The following SULF1 variants were observed in gnomAD, a reference collection of about 807,000 sequenced individuals.
SULF1 encodes extracellular sulfatase Sulf-1.
A neutral mutation model predicts 110.5 loss-of-function variants in SULF1; 46 were observed. The ratio of observed to expected loss-of-function variants is 0.42; its 90% CI spans 0.33 to 0.53. SULF1 has a LOEUF of 0.53. SULF1 is among the 20% of genes least tolerant of loss of function. The pLI is 0.12. For synonymous variants in SULF1, 371 were observed against 387.1 expected, an observed-to-expected ratio of 0.96 and a Z score of 0.49; for missense variants, 941 against 1,094.2, an observed-to-expected ratio of 0.86 and a Z score of 1.98.
chr8:69,658,742 A>G lies in SULF1; in HGVS notation c.*207A>G, dbSNP rs770308504. On this transcript the variant is annotated 3_prime_UTR_variant, in exon 23 of 23. Transcript: ENST00000402687. ...AATAAGACTCAAACTGCTCAAAGTG[A>G]CGGGTTCTTGGTTGTCTCTGCTGAG... 34 of 670,864 alleles carry G rather than the reference A, an allele frequency of 5.1e-5. No homozygotes were observed. The highest frequency in any genetic ancestry group is 9.1e-5 in the Non-Finnish European group (33 of 364,406). The allele number at this position is 670,864 out of a possible 1,614,324, so 41.6% of individuals were successfully genotyped here. A position where few individuals can be genotyped will look rare whatever the true frequency, so the allele number is the denominator to read the frequency against.
intron 19 of SULF1, among the ~76,000 whole-genome samples, chr8:69,636,653 G>C (rs950787533): frequency 6.6e-6 from 1 of 152,240 alleles, no homozygotes; most frequent in Admixed American, 6.5e-5. Context: ...GCTTGAAGAA[G>C]TGGTAGTCGA....
chr8:69,481,904 GA>G (rs1219712021), intron 1 of SULF1, among the ~76,000 whole-genome samples: 13 of 152,038 alleles, frequency 8.6e-5, no homozygotes, highest in Non-Finnish European at 1.8e-4. Context: ...TGTTTATAAT[GA>G]AAATAAAGTA....
intron 19 of SULF1, among the ~76,000 whole-genome samples, chr8:69,632,034 T>C (rs535831033): frequency 1.3e-5 from 2 of 152,360 alleles, no homozygotes; most frequent in South Asian, 4.1e-4. Flanking sequence ...AAGGAATTGC[T>C]TAGTCAATTT....
chr8:69,645,003 G>C (rs1563626979), intron 22 of SULF1, among the ~76,000 whole-genome samples: 2 of 152,068 alleles, frequency 1.3e-5, no homozygotes, highest in African/African-American at 4.8e-5. Flanking sequence ...GCAGGGGCAG[G>C]GTTTGGGGTT....
At chr8:69,558,864 CA>C (rs967500986) in intron 3 of SULF1, among the ~76,000 whole-genome samples, 3 of 151,852 alleles carry the variant, frequency 2.0e-5, no homozygotes, top group African/African-American at 7.3e-5. Context: ...AGAAAATTTT[CA>C]AATATTTGAT....
chr8:69,594,055 A>ATT (rs372606566), intron 8 of SULF1, among the ~76,000 whole-genome samples: 3 of 145,472 alleles, frequency 2.1e-5, no homozygotes, highest in African/African-American at 2.5e-5. Flanking sequence ...TGTTATTCCA[A>ATT]TTTTTTTTTT....
chr8:69,567,719 T>G (rs954673004), intron 5 of SULF1, among the ~76,000 whole-genome samples: 2 of 152,218 alleles, frequency 1.3e-5, no homozygotes, highest in Non-Finnish European at 2.9e-5. Flanking sequence ...TACCACATTT[T>G]TTTAACCCAT....
chr8:69,617,765 G>C (rs1191452530), intron 13 of SULF1, among the ~76,000 whole-genome samples: 1 of 152,064 alleles, frequency 6.6e-6, no homozygotes, highest in East Asian at 1.9e-4. Context: ...TAACTGTGGA[G>C]ACAGCACAAG....
chr8:69,601,094 C>G (rs534915758), intron 9 of SULF1, among the ~76,000 whole-genome samples: 2 of 152,338 alleles, frequency 1.3e-5, no homozygotes, highest in South Asian at 4.1e-4. Flanking sequence ...TCTAAAGGAA[C>G]AGCAATTACT....
chr8:69,536,743 C>T (rs551098503), intron 3 of SULF1, among the ~76,000 whole-genome samples: 2 of 152,286 alleles, frequency 1.3e-5, no homozygotes, highest in African/African-American at 4.8e-5. Flanking sequence ...TCACTTAGAG[C>T]AATGTGGTAG....
Position 69,624,179 on chromosome 8 carries a change from C to T in SULF1, c.1832C>T (p.Thr611Ile), listed in dbSNP as rs755298481. ...AGCAACGCCGTGGGCCCACCTACCA[C>T]TGTCCGAGTGACACACAAGTAAGAA... ...DSSNAVGPPT[T>I]VRVTHKCFIL... is the part of the protein sequence containing the mutation. The change falls in exon 15 of 23, where the codon ACT becomes ATT. Residue 611 changes from threonine (T) to isoleucine (I), a missense_variant. This residue lies in a region of SULF1 where 822 missense variants were observed against 934.3 expected (regional missense o/e 0.88). Coordinates refer to ENST00000402687, the MANE Select transcript of SULF1 (RefSeq NM_001128205.2). 22 of 1,593,440 alleles carry T rather than the reference C, an allele frequency of 1.4e-5. No individual in the cohort carries two copies. Among genetic ancestry groups the T allele is most frequent in the Non-Finnish European group, 1.8e-5 (21 of 1,168,508 alleles).
At chr8:69,558,385 T>C (rs911529782) in intron 3 of SULF1, among the ~76,000 whole-genome samples, 6 of 152,216 alleles carry the variant, frequency 3.9e-5, no homozygotes, top group African/African-American at 1.4e-4. Flanking sequence ...GTCCCTTTTT[T>C]CTCTGGCCTA....
intron 6 of SULF1, among the ~76,000 whole-genome samples, chr8:69,582,728 C>G (rs546167910): frequency 1.3e-5 from 2 of 151,328 alleles, no homozygotes; most frequent in Non-Finnish European, 2.9e-5. Context: ...GGGATAAACC[C>G]GTAGGGATGA....
intron 19 of SULF1, among the ~76,000 whole-genome samples, chr8:69,635,212 C>A (rs988132110): frequency 6.6e-6 from 1 of 152,176 alleles, no homozygotes; most frequent in African/African-American, 2.4e-5. Context: ...CTATGTGATA[C>A]AACAATGGCA....
Position 69,646,384 on chromosome 8 carries a change from C to A in SULF1, c.2585+5543C>A, listed in dbSNP as rs1811911008. On this transcript the variant is annotated intron_variant, in intron 22 of 22. Coordinates refer to ENST00000402687, the MANE Select transcript of SULF1 (RefSeq NM_001128205.2). ...TGCTTTCGTATATTAATGTATGTAA[C>A]CCTCTCGATAACTTCGTGAGGTCAG... Among the ~76,000 whole-genome samples the A allele has an allele frequency of 2.0e-5, 3 of 151,784 alleles. No homozygotes were observed. The South Asian group carries it at 6.2e-4, about 32-fold the overall frequency.
chr8:69,587,574 T>C (rs1806564089), intron 7 of SULF1, among the ~76,000 whole-genome samples: 1 of 152,168 alleles, frequency 6.6e-6, no homozygotes, highest in Non-Finnish European at 1.5e-5. Context: ...TTGAGCAATG[T>C]CCTCATTTGC....
intron 2 of SULF1, among the ~76,000 whole-genome samples, chr8:69,501,024 C>G (rs1279427245): frequency 6.6e-6 from 1 of 152,158 alleles, no homozygotes; most frequent in African/African-American, 2.4e-5. Context: ...GGGAAAAAAT[C>G]TGCACCCATT....
chr8:69,513,272 T>C (rs1003670377), intron 3 of SULF1, among the ~76,000 whole-genome samples: 6 of 152,244 alleles, frequency 3.9e-5, no homozygotes, highest in African/African-American at 1.4e-4. Context: ...TACATAATTT[T>C]TCTTCTATTT....
intron 22 of SULF1, among the ~76,000 whole-genome samples, chr8:69,657,861 G>A (rs1019072464): frequency 2.6e-5 from 4 of 152,276 alleles, no homozygotes; most frequent in Non-Finnish European, 4.4e-5. Flanking sequence ...GAAAGCTGGT[G>A]CCTTCTTTGC....
Sources: allele counts gnomAD v4.1 joint callset (sites outside exome capture counted in the v4.1 genomes callset), GRCh38; gene constraint gnomAD v4.1.1; regional missense constraint gnomAD v4.1.1; transcripts MANE v1.5; gene names NCBI Gene and HGNC (gene_info 2026-07-23, HGNC 2026-07-21).